The following UBAC2 variants were observed in gnomAD, a reference collection of about 807,000 sequenced individuals.
The protein encoded by UBAC2 is UBA domain containing 2.
UBAC2 carries 26 observed loss-of-function variants against 44.0 expected under a neutral mutation model. The ratio of observed to expected loss-of-function variants is 0.59; its 90% CI spans 0.43 to 0.82. UBAC2 has a LOEUF of 0.82. Ranked by LOEUF, UBAC2 falls within the 40% of genes least tolerant of loss-of-function variation. The pLI is 0.00. For synonymous variants in UBAC2, 155 were observed against 154.3 expected (o/e 1.00, Z -0.04); for missense variants, 329 against 419.4 (o/e 0.78, Z 1.88).
At chr13:99,257,966 G>A (rs892550140) in intron 4 of UBAC2, among the ~76,000 whole-genome samples, 2 of 152,038 alleles carry the variant, frequency 1.3e-5, no homozygotes, top group Non-Finnish European at 2.9e-5. Flanking sequence ...TTTTTTAATA[G>A]AGACGGGGTC....
chr13:99,266,837 T>TA (rs1407868942), intron 4 of UBAC2, among the ~76,000 whole-genome samples: 4 of 152,184 alleles, frequency 2.6e-5, no homozygotes, highest in Non-Finnish European at 4.4e-5. Context: ...ATACAGCAAA[T>TA]ATCTCTTCAG....
intron 7 of UBAC2, among the ~76,000 whole-genome samples, chr13:99,359,060 G>C (rs566142908): frequency 6.6e-6 from 1 of 152,160 alleles, no homozygotes; most frequent in Non-Finnish European, 1.5e-5. Flanking sequence ...AAGAACACCC[G>C]TGTCTGAAGG....
At chr13:99,217,174 T>C (rs2043006452) in intron 1 of UBAC2, among the ~76,000 whole-genome samples, 1 of 152,144 alleles carries the variant, frequency 6.6e-6, no homozygotes, top group Non-Finnish European at 1.5e-5. Flanking sequence ...GGGGTTTTAG[T>C]GGGGCTTGTT....
At chr13:99,283,451 T>C (rs967644165) in intron 4 of UBAC2, among the ~76,000 whole-genome samples, 4 of 152,186 alleles carry the variant, frequency 2.6e-5, no homozygotes, top group Non-Finnish European at 5.9e-5. Flanking sequence ...TTAAGAAATC[T>C]TAATAAATTT....
chr13:99,255,869 T>C (rs1220502463), intron 4 of UBAC2: 1 of 1,552,508 alleles, frequency 6.4e-7, no homozygotes, highest in East Asian at 2.3e-5. Flanking sequence ...TTCAGGGTGA[T>C]CATTTTACAG....
chr13:99,335,934 C>T (rs759799070), intron 6 of UBAC2, among the ~76,000 whole-genome samples: 1 of 151,678 alleles, frequency 6.6e-6, no homozygotes, highest in African/African-American at 2.4e-5. Flanking sequence ...GCAGGAGGAT[C>T]GCTTGAGCCC....
intron 4 of UBAC2, among the ~76,000 whole-genome samples, chr13:99,244,879 C>G (rs1467042759): frequency 1.3e-5 from 2 of 151,510 alleles, no homozygotes; most frequent in African/African-American, 4.8e-5. Context: ...GTCACCCAGG[C>G]TGGAGTGCAT....
rs9517681 is a variant in UBAC2 at position 99,314,037 on chromosome 13, A to C, written c.390-60A>C. The stretch of plus-strand genomic sequence containing the variant: ...ATAAGCAGTGTTACTTCAAAGATAC[A>C]TCTGCCATTTGTGTTTAAAATTCAC... On this transcript the variant is annotated intron_variant, in intron 4 of 8. Transcript: ENST00000403766. 3,383 of 1,500,852 alleles carry C rather than the reference A, an allele frequency of 2.3e-3. 82 individuals are homozygous for C. In the African/African-American group the frequency reaches 0.043, roughly 19 times the overall value. The allele number at this position is 1,500,852 out of a possible 1,614,324, so 93.0% of individuals were successfully genotyped here.
chr13:99,335,046 C>T (rs1280069528), intron 6 of UBAC2, among the ~76,000 whole-genome samples: 5 of 152,110 alleles, frequency 3.3e-5, no homozygotes, highest in African/African-American at 1.2e-4. Flanking sequence ...TTTGTTATGA[C>T]GAAAGGGTCA....
At chr13:99,356,634 T>G (rs2045188221) in intron 7 of UBAC2, among the ~76,000 whole-genome samples, 1 of 152,200 alleles carries the variant, frequency 6.6e-6, no homozygotes, top group Non-Finnish European at 1.5e-5. Flanking sequence ...TAGTTTATTA[T>G]TTTTTCCAAT....
chr13:99,338,634 T>G (rs1205855631), intron 6 of UBAC2, among the ~76,000 whole-genome samples: 3 of 152,228 alleles, frequency 2.0e-5, no homozygotes, highest in Admixed American at 2.0e-4. Context: ...TCATTTTCTT[T>G]GTCTTGTACT....
chr13:99,216,811 T>C (rs1017614782), intron 1 of UBAC2, among the ~76,000 whole-genome samples: 2 of 150,804 alleles, frequency 1.3e-5, no homozygotes, highest in African/African-American at 4.9e-5. Context: ...TTTTGTCGTT[T>C]TTGTTGGACT....
intron 6 of UBAC2, among the ~76,000 whole-genome samples, chr13:99,319,465 C>T (rs2044540529): frequency 6.6e-6 from 1 of 152,288 alleles, no homozygotes; most frequent in East Asian, 1.9e-4. Flanking sequence ...AGTGTGTCAT[C>T]CTGTACGCCT....
chr13:99,245,270 T>C (rs1038487158), intron 4 of UBAC2, among the ~76,000 whole-genome samples: 3 of 152,244 alleles, frequency 2.0e-5, no homozygotes, highest in Middle Eastern at 3.2e-3. Context: ...AACACAAAAA[T>C]ATAGTTTAAT....
At chr13:99,328,043 C>A (rs1021564450) in intron 6 of UBAC2, among the ~76,000 whole-genome samples, 1 of 152,164 alleles carries the variant, frequency 6.6e-6, no homozygotes, top group African/African-American at 2.4e-5. Flanking sequence ...AACCACTGAT[C>A]TTCATGTAAT....
At chr13:99,272,785 T>A (rs148245410) in intron 4 of UBAC2, among the ~76,000 whole-genome samples, 2 of 152,038 alleles carry the variant, frequency 1.3e-5, no homozygotes, top group African/African-American at 2.4e-5. Context: ...TACCACCACA[T>A]TGGGGGCTAG....
Position 99,270,041 on chromosome 13 carries a change from C to T in UBAC2, c.389+25417C>T, listed in dbSNP as rs114419399. On this transcript the variant is annotated intron_variant, in intron 4 of 8. Transcript: ENST00000403766. ...TATTGTGTATGTGTGTTAATTTTTC[C>T]TAAACAACACAATAAAGTATTTTAA... 3.3e-3 allele frequency among the ~76,000 whole-genome samples: 495 copies of T among 152,134 alleles called. 2 individuals are homozygous for T. Among genetic ancestry groups the T allele is most frequent in the African/African-American group, 0.012 (482 of 41,484 alleles).
intron 4 of UBAC2, chr13:99,255,888 T>A (rs1289555368): frequency 6.5e-7 from 1 of 1,527,696 alleles, no homozygotes; most frequent in Non-Finnish European, 8.8e-7. Context: ...AGCTTGTTGG[T>A]AGGCATGATA....
chr13:99,382,209 C>CA (rs1593995298), intron 8 of UBAC2, among the ~76,000 whole-genome samples: 1 of 152,182 alleles, frequency 6.6e-6, no homozygotes, highest in East Asian at 1.9e-4. Context: ...AGATGATTAA[C>CA]AGTAGATAAC....
Sources: gnomAD v4.1 joint callset for allele counts (sites outside exome capture counted in the v4.1 genomes callset) on GRCh38, gnomAD v4.1.1 for gene constraint, MANE v1.5 for transcripts, NCBI Gene and HGNC (gene_info 2026-07-23, HGNC 2026-07-21) for gene names.